Variants in GRB10 observed in about 807,000 individuals in gnomAD.
GRB10 encodes growth factor receptor bound protein 10.
Under a neutral mutation model 80.9 loss-of-function variants are expected in GRB10, and 20 were observed. The ratio of observed to expected loss-of-function variants is 0.25; its 90% CI spans 0.17 to 0.36. The LOEUF (loss-of-function observed/expected upper bound fraction) is 0.36, where lower values mean the gene tolerates loss of function less well. GRB10 is among the 10% of genes least tolerant of loss of function. The pLI, the probability that GRB10 is intolerant of heterozygous loss-of-function variation, is 1.00. For synonymous variants in GRB10, 291 were observed against 291.5 expected, an observed-to-expected ratio of 1.00 and a Z score of 0.02; for missense variants, 548 against 747.7, an observed-to-expected ratio of 0.73 and a Z score of 3.12.
At position 50,782,179 on chromosome 7, in the gene GRB10, T is replaced by A. The variant is rs2153714023; in HGVS notation, c.-327+245A>T. ...TTACATAATATTAAACAATTAAGAT[T>A]AAAAATGGTTACATAATACTGTCCT... On this transcript the variant is annotated intron_variant, in intron 1 of 18. Transcript: ENST00000401949. The surrounding 1 kb of genome is among the most constrained non-coding windows in gnomAD (Gnocchi z 6.6). 6.6e-6 allele frequency among the ~76,000 whole-genome samples: 1 copy of A among 152,174 alleles called. No individual in the cohort carries two copies. The highest frequency in any genetic ancestry group is 6.5e-5 in the Admixed American group (1 of 15,294).
intron 4 of GRB10, among the ~76,000 whole-genome samples, chr7:50,723,423 G>A (rs1421702692): frequency 2.6e-5 from 4 of 152,192 alleles, no homozygotes; most frequent in African/African-American, 4.8e-5. Context: ...TCCAAAGAAC[G>A]AAATGTTCTA....
chr7:50,641,721 C>T (rs1339738275), intron 7 of GRB10, among the ~76,000 whole-genome samples: 1 of 152,216 alleles, frequency 6.6e-6, no homozygotes, highest in Admixed American at 6.5e-5. Flanking sequence ...TGCAGGGCCA[C>T]AGTGTCCACT....
At chr7:50,645,671 G>GT (rs2057067067) in intron 7 of GRB10, 18 of 975,394 alleles carry the variant, frequency 1.8e-5, no homozygotes, top group Non-Finnish European at 2.1e-5. Context: ...AAACGCCGTC[G>GT]TATCAGACCT....
intron 8 of GRB10, 149 bp downstream of exon 8, chr7:50,626,673 G>A: frequency 1.2e-6 from 1 of 854,546 alleles, no homozygotes; most frequent in Non-Finnish European, 2.0e-6. Context: ...AATTTTAGGA[G>A]AAACAGGAGA....
intron 4 of GRB10, among the ~76,000 whole-genome samples, chr7:50,708,823 G>A (rs1587238361): frequency 6.6e-6 from 1 of 151,834 alleles, no homozygotes; most frequent in Admixed American, 6.6e-5. Context: ...CTACAGGCAC[G>A]CACCACCACA....
intron 5 of GRB10, among the ~76,000 whole-genome samples, chr7:50,703,603 T>C (rs2064548902): frequency 6.6e-6 from 1 of 152,210 alleles, no homozygotes; most frequent in African/African-American, 2.4e-5. Flanking sequence ...ATCGTGAAGT[T>C]TTGCTCACTG....
At chr7:50,739,485 C>T (rs143279960) in intron 3 of GRB10, among the ~76,000 whole-genome samples, 4 of 152,336 alleles carry the variant, frequency 2.6e-5, no homozygotes, top group African/African-American at 9.6e-5. Context: ...ATGACACATC[C>T]GTGACCAATC....
At chr7:50,626,732 G>C (rs2074778) in intron 8 of GRB10, 90 bp downstream of exon 8, 12 of 1,441,510 alleles carry the variant, frequency 8.3e-6, no homozygotes, top group Admixed American at 1.7e-5. Context: ...GGGACACTGC[G>C]GTCACACATT....
At chr7:50,601,088 C>T (rs998006621) in intron 17 of GRB10, among the ~76,000 whole-genome samples, 1 of 152,226 alleles carries the variant, frequency 6.6e-6, no homozygotes, top group Non-Finnish European at 1.5e-5. Context: ...TGCTGTGGAG[C>T]GATCCTTGGG....
At chr7:50,596,052 A>ATGT (rs2046596113) in intron 17 of GRB10, among the ~76,000 whole-genome samples, 2 of 152,190 alleles carry the variant, frequency 1.3e-5, no homozygotes, top group African/African-American at 4.8e-5. Context: ...TCAGCCAATA[A>ATGT]ATAAAGGCAA....
chr7:50,669,590 A>G (rs1034715648), intron 7 of GRB10, 132 bp downstream of exon 7: 2 of 877,438 alleles, frequency 2.3e-6, no homozygotes, highest in Admixed American at 4.0e-5. Flanking sequence ...CTGTGACAAC[A>G]AGAAAAGAAC....
At chr7:50,605,585 C>T (rs1172115136) in intron 14 of GRB10, among the ~76,000 whole-genome samples, 179 bp from the exon 15 acceptor site, 2 of 152,120 alleles carry the variant, frequency 1.3e-5, no homozygotes, top group African/African-American at 4.8e-5. Flanking sequence ...TTCAGTGGCC[C>T]CTTCAGTTTT....
chr7:50,672,573 G>A (rs2060477294), intron 6 of GRB10, among the ~76,000 whole-genome samples: 1 of 152,140 alleles, frequency 6.6e-6, no homozygotes, highest in African/African-American at 2.4e-5. Context: ...ACCCTGTAGG[G>A]AGAGGGCTTT....
rs143922753 is a variant in GRB10, at chr7:50,616,932, T to A, written c.847-585A>T. ...CCAAGGGCCAGGTCATGGAGCGAAGTTGGGGAGGTGATGCTGGCAGGTCCT... is the reference window on the plus strand; with the variant it reads ...CCAAGGGCCAGGTCATGGAGCGAAGATGGGGAGGTGATGCTGGCAGGTCCT... On this transcript the variant is annotated intron_variant, in intron 10 of 18. Coordinates refer to ENST00000401949, the MANE Select transcript of GRB10 (RefSeq NM_001350814.2). 2.8e-3 allele frequency among the ~76,000 whole-genome samples: 425 copies of A among 152,234 alleles called. 1 individual carries two copies. Among genetic ancestry groups the A allele is most frequent in the Admixed American group, 4.3e-3 (66 of 15,300 alleles).
At chr7:50,778,600 C>CCTA in intron 2 of GRB10, among the ~76,000 whole-genome samples, 1 of 152,324 alleles carries the variant, frequency 6.6e-6, no homozygotes, top group East Asian at 1.9e-4. Flanking sequence ...TTTAATACCA[C>CCTA]CTACCCTGAC....
chr7:50,775,177 A>AAAAAAAAAAAAC (rs1386544032), intron 2 of GRB10, among the ~76,000 whole-genome samples: 1 of 148,420 alleles, frequency 6.7e-6, no homozygotes. Flanking sequence ...AAAAAAACAA[A>AAAAAAAAAAAAC]AAAAAACAGT....
intron 4 of GRB10, chr7:50,710,883 G>A (rs777726268): frequency 1.4e-5 from 22 of 1,612,606 alleles, no homozygotes; most frequent in African/African-American, 2.7e-5. Context: ...ACCTTACTAC[G>A]GAACAGAGGG....
chr7:50,592,613 C>A lies in GRB10; in HGVS notation c.*339G>T. 4 of 368,544 alleles carry A rather than the reference C, an allele frequency of 1.1e-5. No homozygotes were observed. Among genetic ancestry groups the A allele is most frequent in the Non-Finnish European group, 1.5e-5 (3 of 196,136 alleles). The allele number at this position is 368,544 out of a possible 1,614,324, so 22.8% of individuals were successfully genotyped here. A position where few individuals can be genotyped will look rare whatever the true frequency, so the allele number is the denominator to read the frequency against. On this transcript the variant is annotated 3_prime_UTR_variant, in exon 19 of 19. Transcript: ENST00000401949. ...TCAGTTTTAATTGTCAAGATTATTCCAGGGCAAGAGTTCATTTCCAATCAC... is the reference window on the plus strand; with the variant it reads ...TCAGTTTTAATTGTCAAGATTATTCAAGGGCAAGAGTTCATTTCCAATCAC...
chr7:50,640,149 T>C (rs998078216), intron 7 of GRB10, among the ~76,000 whole-genome samples: 3 of 152,204 alleles, frequency 2.0e-5, no homozygotes, highest in African/African-American at 7.2e-5. Context: ...CTACTGTCCT[T>C]TGGGGCTAAG....
Sources: allele counts gnomAD v4.1 joint callset (sites outside exome capture counted in the v4.1 genomes callset), GRCh38; gene constraint gnomAD v4.1.1; non-coding constraint Gnocchi (gnomAD v3.1); transcripts MANE v1.5; gene names NCBI Gene and HGNC (gene_info 2026-07-23, HGNC 2026-07-21).